Variants in RIGI observed in about 807,000 individuals in gnomAD.
The protein encoded by RIGI is antiviral innate immune response receptor RIG-I.
the RIGI span, chr9:32,489,247 GA>G: frequency 1.3e-6 from 1 of 782,668 alleles, no homozygotes; most frequent in East Asian, 2.8e-5. Flanking sequence ...ATGGAACAAG[GA>G]AAAAACTGAA....
chr9:32,491,289 A>G, the RIGI span: 3 of 1,612,784 alleles, frequency 1.9e-6, no homozygotes, highest in South Asian at 1.1e-5. Context: ...AAGGACAAAC[A>G]ATACCAGGTA....
chr9:32,496,660 C>T, the RIGI span, among the ~76,000 whole-genome samples: 1 of 152,202 alleles, frequency 6.6e-6, no homozygotes, highest in Non-Finnish European at 1.5e-5. Context: ...AATATATATA[C>T]ACATACATGT....
the RIGI span, chr9:32,456,908 C>A: frequency 2.0e-6 from 1 of 503,838 alleles, no homozygotes. Flanking sequence ...TAATTTTTCC[C>A]AAGTACTATG....
At chr9:32,485,371 C>T in the RIGI span, 1 of 851,988 alleles carries the variant, frequency 1.2e-6, no homozygotes, top group African/African-American at 1.7e-5. Flanking sequence ...ATCTCTAAAA[C>T]CTTTCTCTGC....
chr9:32,459,731 CTTTCAA>C, the RIGI span, among the ~76,000 whole-genome samples: 4 of 152,118 alleles, frequency 2.6e-5, no homozygotes, highest in African/African-American at 9.7e-5. Flanking sequence ...TCCAATTAGT[CTTTCAA>C]TTTCTTCATC....
chr9:32,525,296 G>T, the RIGI span, among the ~76,000 whole-genome samples: 8 of 152,140 alleles, frequency 5.3e-5, no homozygotes, highest in African/African-American at 9.7e-5. Context: ...CTAGGTCCGT[G>T]CGGGTTACAT....
At chr9:32,473,864 C>G in the RIGI span, among the ~76,000 whole-genome samples, 1 of 151,998 alleles carries the variant, frequency 6.6e-6, no homozygotes, top group Non-Finnish European at 1.5e-5. Context: ...CCTGTCTCTA[C>G]TAAAAATACA....
the RIGI span, among the ~76,000 whole-genome samples, chr9:32,508,907 T>G: frequency 6.6e-6 from 1 of 152,124 alleles, no homozygotes; most frequent in African/African-American, 2.4e-5. Context: ...TGCTCAAGCT[T>G]GGTTGGGGGA....
chr9:32,505,127 T>C, the RIGI span, among the ~76,000 whole-genome samples: 1 of 147,454 alleles, frequency 6.8e-6, no homozygotes, highest in Non-Finnish European at 1.5e-5. Flanking sequence ...AGTTAACCAA[T>C]GAATCCAGAG....
the RIGI span, among the ~76,000 whole-genome samples, chr9:32,507,678 T>C: frequency 6.6e-6 from 1 of 151,910 alleles, no homozygotes; most frequent in Non-Finnish European, 1.5e-5. Context: ...CAGGGTCTTG[T>C]TCCATTGCCC....
the RIGI span, among the ~76,000 whole-genome samples, chr9:32,486,257 G>A: frequency 1.3e-5 from 2 of 151,934 alleles, no homozygotes; most frequent in Admixed American, 6.6e-5. Context: ...TTCAAGACCA[G>A]CCTGGCCAAC....
At chr9:32,506,061 T>C in the RIGI span, among the ~76,000 whole-genome samples, 23 of 152,120 alleles carry the variant, frequency 1.5e-4, no homozygotes, top group Non-Finnish European at 2.4e-4. Flanking sequence ...CTTCTAAAAA[T>C]AGAAAAATTA....
At chr9:32,463,018 G>A in the RIGI span, among the ~76,000 whole-genome samples, 7 of 152,010 alleles carry the variant, frequency 4.6e-5, no homozygotes, top group East Asian at 1.9e-4. Context: ...TTAGTGATGC[G>A]TGGTGGCACA....
At chr9:32,480,052 T>C in the RIGI span, among the ~76,000 whole-genome samples, 1 of 152,190 alleles carries the variant, frequency 6.6e-6, no homozygotes, top group African/African-American at 2.4e-5. Context: ...CCATAGGTAC[T>C]AGATTTCATT....
At chr9:32,491,809 TAC>T in the RIGI span, among the ~76,000 whole-genome samples, 2 of 151,646 alleles carry the variant, frequency 1.3e-5, no homozygotes, top group East Asian at 1.9e-4. Context: ...TGTGTATTTA[TAC>T]AGTTTCTGAA....
the RIGI span, among the ~76,000 whole-genome samples, chr9:32,492,790 T>C: frequency 6.6e-6 from 1 of 152,196 alleles, no homozygotes; most frequent in Non-Finnish European, 1.5e-5. Flanking sequence ...TAAGTTCTTA[T>C]ACCTATCCTC....
At chr9:32,524,669 G>A in the RIGI span, among the ~76,000 whole-genome samples, 80 of 137,036 alleles carry the variant, frequency 5.8e-4, no homozygotes, top group Middle Eastern at 4.2e-3. Context: ...GTGCAGTGGT[G>A]CGATCTCACC....
chr9:32,501,316 C>G, the RIGI span, among the ~76,000 whole-genome samples: 2 of 118,208 alleles, frequency 1.7e-5, no homozygotes, highest in South Asian at 3.0e-4. Flanking sequence ...CCACTGCACC[C>G]AGCCTCTACA....
At chr9:32,461,733 A>G in the RIGI span, among the ~76,000 whole-genome samples, 5 of 152,020 alleles carry the variant, frequency 3.3e-5, no homozygotes, top group African/African-American at 1.2e-4. Flanking sequence ...TTTTGTATTG[A>G]TAAGGCAATC....
Sources: allele counts gnomAD v4.1 joint callset (sites outside exome capture counted in the v4.1 genomes callset), GRCh38; gene constraint gnomAD v4.1.1; transcripts MANE v1.5; gene names NCBI Gene and HGNC (gene_info 2026-07-23, HGNC 2026-07-21).